L3MBTL4: variants seen among roughly 807,000 people sequenced by gnomAD.
The protein encoded by L3MBTL4 is L3MBTL histone methyl-lysine binding protein 4, also known as lethal(3)malignant brain tumor-like protein 4.
L3MBTL4 carries 70 observed loss-of-function variants against 84.5 expected under a neutral mutation model. The ratio of observed to expected loss-of-function variants is 0.83; its 90% CI spans 0.68 to 1.01. L3MBTL4 has a LOEUF of 1.01. L3MBTL4 is among the 50% of genes least tolerant of loss of function. L3MBTL4 has a pLI of 0.00. For missense variants in L3MBTL4, 715 were observed against 754.8 expected (o/e 0.95, Z 0.62); for synonymous variants, 274 against 259.8 (o/e 1.05, Z -0.52).
At chr18:5,981,809 A>AT (rs1057213021) in intron 16 of L3MBTL4, among the ~76,000 whole-genome samples, 13 of 151,016 alleles carry the variant, frequency 8.6e-5, no homozygotes, top group South Asian at 2.1e-4. Context: ...CAAAAAAAAA[A>AT]TTTTTTTTTT....
intron 16 of L3MBTL4, among the ~76,000 whole-genome samples, chr18:6,051,793 G>A (rs1356114008): frequency 1.3e-5 from 2 of 152,114 alleles, no homozygotes; most frequent in African/African-American, 2.4e-5. Flanking sequence ...CTGTGTTCAC[G>A]GACCCCGGCA....
intron 16 of L3MBTL4, among the ~76,000 whole-genome samples, chr18:6,014,666 G>C (rs1817045075): frequency 6.6e-6 from 1 of 152,096 alleles, no homozygotes; most frequent in South Asian, 2.1e-4. Context: ...GCTCAGAGTG[G>C]GGCAGGAAGC....
chr18:6,401,160 A>G (rs1287468929), intron 1 of L3MBTL4, among the ~76,000 whole-genome samples: 1 of 152,196 alleles, frequency 6.6e-6, no homozygotes, highest in East Asian at 1.9e-4. Context: ...TGAACTTAAG[A>G]GGAATATGCC....
intron 1 of L3MBTL4, among the ~76,000 whole-genome samples, chr18:6,400,044 A>C (rs1417493431): frequency 6.6e-6 from 1 of 152,238 alleles, no homozygotes; most frequent in Admixed American, 6.5e-5. Context: ...TATAAGTATT[A>C]AGTGCTACAG....
chr18:6,196,854 C>T lies in L3MBTL4; in HGVS notation c.981+16295G>A, dbSNP rs78147999. 4.7e-4 allele frequency among the ~76,000 whole-genome samples: 72 copies of T among 152,326 alleles called. 1 individual carries two copies. The East Asian group carries it at 9.5e-3, about 20-fold the overall frequency. ...ATGCCTGTAGCCAGACCCATGTCCT[C>T]CTATTCAGGGAGCCAACAAACTAGG... On this transcript the variant is annotated intron_variant, in intron 12 of 18. Transcript: ENST00000317931.
chr18:6,282,577 G>A (rs574516204), intron 4 of L3MBTL4, among the ~76,000 whole-genome samples: 2 of 152,254 alleles, frequency 1.3e-5, no homozygotes, highest in African/African-American at 4.8e-5. Context: ...GACGAGGCTC[G>A]GGAGACCGGA....
intron 16 of L3MBTL4, among the ~76,000 whole-genome samples, chr18:6,032,726 C>G (rs2055892267): frequency 6.6e-6 from 1 of 152,156 alleles, no homozygotes; most frequent in African/African-American, 2.4e-5. Flanking sequence ...CTCCTCCCAG[C>G]CCTGGCAAGC....
intron 16 of L3MBTL4, among the ~76,000 whole-genome samples, chr18:5,994,972 G>A (rs778814971): frequency 1.3e-5 from 2 of 152,184 alleles, no homozygotes; most frequent in Non-Finnish European, 2.9e-5. Flanking sequence ...CCTCCCTTTT[G>A]TTCATCATTC....
chr18:6,242,883 C>T (rs1288201042), intron 7 of L3MBTL4, among the ~76,000 whole-genome samples: 1 of 152,076 alleles, frequency 6.6e-6, no homozygotes, highest in Admixed American at 6.6e-5. Flanking sequence ...CTTTGTTTTC[C>T]GTGATTCCTA....
chr18:6,078,104 G>T (rs577700682), intron 16 of L3MBTL4, among the ~76,000 whole-genome samples: 1 of 141,256 alleles, frequency 7.1e-6, no homozygotes, highest in African/African-American at 2.6e-5. Context: ...TCAAATCTAT[G>T]CCCAGACCAA....
chr18:6,232,241 GT>G (rs1241640671), intron 10 of L3MBTL4, among the ~76,000 whole-genome samples: 3 of 151,958 alleles, frequency 2.0e-5, no homozygotes, highest in Non-Finnish European at 4.4e-5. Flanking sequence ...ATCCCACTTG[GT>G]TATGGTGTAT....
chr18:6,317,664 G>A (rs983128880), intron 1 of L3MBTL4, among the ~76,000 whole-genome samples: 1 of 152,122 alleles, frequency 6.6e-6, no homozygotes, highest in African/African-American at 2.4e-5. Context: ...AAAACAAAAT[G>A]TTTAGAAAAA....
At chr18:6,137,548 A>C (rs1662515024) in intron 14 of L3MBTL4, among the ~76,000 whole-genome samples, 1 of 152,162 alleles carries the variant, frequency 6.6e-6, no homozygotes, top group Non-Finnish European at 1.5e-5. Flanking sequence ...GTGTATTTGA[A>C]CAAATTTGAT....
chr18:5,999,104 G>A (rs2054107393), intron 16 of L3MBTL4, among the ~76,000 whole-genome samples: 1 of 152,114 alleles, frequency 6.6e-6, no homozygotes, highest in Admixed American at 6.5e-5. Context: ...CTCACCACAA[G>A]TTTCTTTCTG....
chr18:5,978,037 T>C (rs908290546), intron 16 of L3MBTL4, among the ~76,000 whole-genome samples: 1 of 152,198 alleles, frequency 6.6e-6, no homozygotes, highest in African/African-American at 2.4e-5. Context: ...CATGGTGCGG[T>C]GTAGCAGGGG....
chr18:6,142,668 C>A lies in L3MBTL4; in HGVS notation c.1097-4372G>T, dbSNP rs189760936. Among the ~76,000 whole-genome samples, 480 of 152,286 alleles carry A rather than the reference C, an allele frequency of 3.2e-3. 1 individual carries two copies. The highest frequency in any genetic ancestry group is 0.01 in the Middle Eastern group (3 of 294). On this transcript the variant is annotated intron_variant, in intron 13 of 18. Coordinates refer to ENST00000317931, the MANE Select transcript of L3MBTL4 (RefSeq NM_001330559.2). ...AGGCATGGTGGCCCACGCATGTAAT[C>A]CCAGAACTTTGGGAGTTTGAGGTGG...
chr18:6,231,645 T>C (rs1299017047), intron 10 of L3MBTL4, among the ~76,000 whole-genome samples: 1 of 152,156 alleles, frequency 6.6e-6, no homozygotes, highest in Admixed American at 6.5e-5. Context: ...TCCTAAGTAT[T>C]TTATTATTTC....
At position 6,041,587 on chromosome 18, in the gene L3MBTL4, C is replaced by T. The variant is rs143576566; in HGVS notation, c.1444+39294G>A. ...TCACTACCTGCTCTTCCTGTGCGTGCATAGGCTGTCATGAAGGCAGAACGT... is the reference window on the plus strand; with the variant it reads ...TCACTACCTGCTCTTCCTGTGCGTGTATAGGCTGTCATGAAGGCAGAACGT... On this transcript the variant is annotated intron_variant, in intron 16 of 18. Transcript: ENST00000317931. Among the ~76,000 whole-genome samples the T allele has an allele frequency of 2.3e-3, 345 of 151,676 alleles. 4 individuals carry two copies. Among genetic ancestry groups the T allele is most frequent in the African/African-American group, 8.0e-3 (330 of 41,268 alleles).
intron 16 of L3MBTL4, among the ~76,000 whole-genome samples, chr18:6,078,772 T>C (rs1289391718): frequency 1.3e-5 from 2 of 152,204 alleles, no homozygotes; most frequent in African/African-American, 2.4e-5. Context: ...ACTTTATTTC[T>C]ATTATTATTA....
Sources: gnomAD v4.1 joint callset for allele counts (sites outside exome capture counted in the v4.1 genomes callset) on GRCh38, gnomAD v4.1.1 for gene constraint, MANE v1.5 for transcripts, NCBI Gene and HGNC (gene_info 2026-07-23, HGNC 2026-07-21) for gene names.